Variants in TTC34 observed in about 807,000 individuals in gnomAD.
TTC34 encodes the protein tetratricopeptide repeat protein 34.
TTC34 carries 44 observed loss-of-function variants against 40.7 expected under a neutral mutation model. The observed-to-expected ratio is 1.08, with a 90% confidence interval of 0.85 to 1.39. The LOEUF (loss-of-function observed/expected upper bound fraction) is 1.39, where lower values mean the gene tolerates loss of function less well. Ranked by LOEUF, TTC34 falls within the 40% of genes most tolerant of loss-of-function variation. TTC34 has a pLI of 0.00. For missense variants in TTC34, 884 were observed against 838.0 expected, an observed-to-expected ratio of 1.05 and a Z score of -0.68; for synonymous variants, 422 against 398.6, an observed-to-expected ratio of 1.06 and a Z score of -0.70.
chr1:2,655,558 C>T (rs200135729), intron 6 of TTC34, among the ~76,000 whole-genome samples: 6 of 72,274 alleles, frequency 8.3e-5, no homozygotes, highest in African/African-American at 2.6e-4. Context: ...TGACAGCCTG[C>T]AACAGCTCTC....
chr1:2,683,915 T>A (rs61082664), intron 6 of TTC34, among the ~76,000 whole-genome samples: 1 of 27,168 alleles, frequency 3.7e-5, no homozygotes, highest in Admixed American at 3.5e-4. Flanking sequence ...CACCCACACC[T>A]CCAGGTGAGC....
At chr1:2,639,645 T>C (rs1344344369) in exon 9 of TTC34, 2 of 152,370 alleles carry the variant, frequency 1.3e-5, no homozygotes, top group African/African-American at 4.8e-5. Context: ...GATGGGGAGC[T>C]GGCAGGCGGA....
At chr1:2,767,412 G>C (rs1230005672) in intron 6 of TTC34, among the ~76,000 whole-genome samples, 1 of 144,400 alleles carries the variant, frequency 6.9e-6, no homozygotes, top group African/African-American at 2.6e-5. Flanking sequence ...CCCCAGGTGA[G>C]CATCTGACCG....
chr1:2,697,554 C>CGG (rs1640923174), intron 6 of TTC34, among the ~76,000 whole-genome samples: 1 of 117,694 alleles, frequency 8.5e-6, no homozygotes, highest in Non-Finnish European at 1.9e-5. Flanking sequence ...TGGCCTGGAA[C>CGG]CGCACCCACA....
At chr1:2,794,986 A>G (rs1490109042) in intron 2 of TTC34, among the ~76,000 whole-genome samples, 1 of 152,140 alleles carries the variant, frequency 6.6e-6, no homozygotes, top group Non-Finnish European at 1.5e-5. Context: ...CCTGGTCAGC[A>G]GTTATTTCAG....
intron 6 of TTC34, among the ~76,000 whole-genome samples, chr1:2,677,719 C>T (rs940511716): frequency 4.3e-5 from 6 of 140,860 alleles, no homozygotes; most frequent in East Asian, 2.2e-4. Flanking sequence ...CAGCCTGGAA[C>T]AGCACCCTGC....
At chr1:2,687,561 C>G (rs1467555058) in intron 6 of TTC34, among the ~76,000 whole-genome samples, 1 of 145,918 alleles carries the variant, frequency 6.9e-6, no homozygotes, top group Non-Finnish European at 1.5e-5. Flanking sequence ...GAGCAGCACG[C>G]TGCACCGCCA....
At chr1:2,752,285 T>C (rs1384675288) in intron 6 of TTC34, among the ~76,000 whole-genome samples, 700 of 8,292 alleles carry the variant, frequency 0.084, 130 homozygotes, top group Admixed American at 0.14. Flanking sequence ...GAACAGCACC[T>C]TGCACCCCCA....
At chr1:2,685,019 C>A (rs1319734992) in intron 6 of TTC34, among the ~76,000 whole-genome samples, 1 of 145,154 alleles carries the variant, frequency 6.9e-6, no homozygotes, top group Non-Finnish European at 1.5e-5. Flanking sequence ...CATCTGACAG[C>A]ATGTAACAGC....
chr1:2,693,205 G>C (rs1303496683), intron 6 of TTC34, among the ~76,000 whole-genome samples: 60 of 48,760 alleles, frequency 1.2e-3, no homozygotes, highest in Non-Finnish European at 1.7e-3. Context: ...CGCATCTGAT[G>C]GTCTGGAGCA....
At chr1:2,659,587 A>AC (rs1196575424) in intron 6 of TTC34, among the ~76,000 whole-genome samples, 1 of 130,796 alleles carries the variant, frequency 7.6e-6, no homozygotes, top group African/African-American at 2.7e-5. Context: ...AGCACCCACA[A>AC]TCCCAGGCGA....
At position 2,785,899 on chromosome 1, in the gene TTC34, C is replaced by T. The variant is rs533573532; in HGVS notation, c.1979G>A (p.Arg660Gln). ...GCCGTCGGCCCCGCCTGGCCGTGCC[C>T]GCAGGATGGCCAGGGCCCTGGCGTG... is the stretch of plus-strand genomic sequence containing the variant. The change falls in exon 5 of 9, where the codon CGG (arginine) becomes CAG (glutamine). Residue 660 changes from arginine (R) to glutamine (Q), a missense_variant. Arg to Gln is a conservative substitution (Grantham distance 43). Coordinates refer to ENST00000401095, the Ensembl canonical transcript of TTC34. 6.1e-5 allele frequency: 94 copies of T among 1,537,732 alleles called. No homozygotes were observed. In the South Asian group the frequency reaches 6.4e-4, roughly 10 times the overall value.
At chr1:2,785,825 C>T in exon 5 of TTC34, 1 of 1,543,940 alleles carries the variant, frequency 6.5e-7, no homozygotes, top group South Asian at 1.2e-5. Flanking sequence ...CTACCTGCGG[C>T]AAAGATGGCC....
chr1:2,775,382 C>T (rs1262708426), intron 6 of TTC34: 1 of 148,586 alleles, frequency 6.7e-6, no homozygotes. Flanking sequence ...AATAAAGCAG[C>T]ACCCTGCACC....
At chr1:2,783,242 G>A (rs775173162) in intron 6 of TTC34, among the ~76,000 whole-genome samples, 2 of 152,118 alleles carry the variant, frequency 1.3e-5, no homozygotes, top group Non-Finnish European at 2.9e-5. Flanking sequence ...TCTCAACACC[G>A]GGGGCCAGGC....
rs1306542220 is a variant in TTC34, at chr1:2,641,599, G to A, written c.3009C>T (p.Ala1003=). Residue 1003 remains alanine (A), a synonymous_variant, in exon 9 of 9, where the codon GCC becomes GCT. Coordinates refer to ENST00000401095, the Ensembl canonical transcript of TTC34. ...GGGCCAAGGAGGGCGCCAGCTTCAG[G>A]GCCTGGGCAAAGGCCCCTGCGGCCG... 2.0e-6 allele frequency: 3 copies of A among 1,534,012 alleles called. No homozygotes were observed. The Admixed American group carries it at 5.9e-5, about 30-fold the overall frequency.
At chr1:2,685,221 G>A (rs376385748) in intron 6 of TTC34, among the ~76,000 whole-genome samples, 1,256 of 30,086 alleles carry the variant, frequency 0.042, 107 homozygotes, top group African/African-American at 0.091. Context: ...ATCTGACATC[G>A]TGGAGCAGCA....
At chr1:2,767,731 G>C (rs1290345453) in intron 6 of TTC34, among the ~76,000 whole-genome samples, 1 of 136,632 alleles carries the variant, frequency 7.3e-6, no homozygotes, top group Non-Finnish European at 1.6e-5. Context: ...CGCTCTTCCA[G>C]GTGAGAATAT....
intron 6 of TTC34, among the ~76,000 whole-genome samples, chr1:2,691,544 C>A (rs1461328381): frequency 1.0e-3 from 135 of 134,420 alleles, no homozygotes; most frequent in Admixed American, 2.0e-3. Flanking sequence ...AACCCACACC[C>A]CCAGGTGAGC....
Sources: allele counts gnomAD v4.1 joint callset (sites outside exome capture counted in the v4.1 genomes callset), GRCh38; gene constraint gnomAD v4.1.1; transcripts MANE v1.5; gene names NCBI Gene and HGNC (gene_info 2026-07-23, HGNC 2026-07-21).